UBQLN1: variants seen among roughly 807,000 people sequenced by gnomAD.
UBQLN1 encodes the protein ubiquilin-1.
Under a neutral mutation model 65.4 loss-of-function variants are expected in UBQLN1, and 13 were observed. The ratio of observed to expected loss-of-function variants is 0.20; its 90% CI spans 0.13 to 0.32. The LOEUF is 0.32. Ranked by LOEUF, UBQLN1 falls within the 10% of genes least tolerant of loss-of-function variation. The probability of loss-of-function intolerance (pLI) is 1.00; values close to 1 mark genes in which losing one functional copy is unlikely to be tolerated. For missense variants in UBQLN1, 561 were observed against 724.0 expected, an observed-to-expected ratio of 0.77 and a Z score of 2.58; for synonymous variants, 267 against 247.8, an observed-to-expected ratio of 1.08 and a Z score of -0.73.
At chr9:83,674,177 TGCA>T (rs1831788013) in intron 6 of UBQLN1, among the ~76,000 whole-genome samples, 1 of 141,308 alleles carries the variant, frequency 7.1e-6, no homozygotes, top group Non-Finnish European at 1.5e-5. Flanking sequence ...ACAAAATCAC[TGCA>T]GCATTAAAAA....
chr9:83,679,637 T>C (rs1831907122), intron 4 of UBQLN1, 138 bp downstream of exon 4: 2 of 903,310 alleles, frequency 2.2e-6, no homozygotes, highest in Non-Finnish European at 3.2e-6. Flanking sequence ...TAGCGCTTTG[T>C]TGAGTTTTCT....
intron 7 of UBQLN1, chr9:83,667,703 T>A: frequency 1.0e-6 from 1 of 984,638 alleles, no homozygotes; most frequent in Non-Finnish European, 1.2e-6. Flanking sequence ...CTTAAACGTA[T>A]CCTTTCACAG....
chr9:83,681,374 A>T (rs945185860), intron 3 of UBQLN1, among the ~76,000 whole-genome samples: 2 of 152,248 alleles, frequency 1.3e-5, no homozygotes, highest in Admixed American at 1.3e-4. Context: ...AGGCAACAAG[A>T]AAGACATCCT....
intron 1 of UBQLN1, among the ~76,000 whole-genome samples, chr9:83,692,566 T>C (rs976132456): frequency 7.9e-5 from 12 of 152,164 alleles, no homozygotes; most frequent in African/African-American, 2.9e-4. Flanking sequence ...ATACAAAATA[T>C]TTTCGGCCAG....
At position 83,679,190 on chromosome 9, in the gene UBQLN1, A is replaced by C. The variant is rs187003265; in HGVS notation, c.711+585T>G. On this transcript the variant is annotated intron_variant, in intron 4 of 10. Coordinates refer to ENST00000376395, the MANE Select transcript of UBQLN1 (RefSeq NM_013438.5). The stretch of plus-strand genomic sequence containing the variant: ...GCAGTCAACGTGAGTCACTGTAACA[A>C]GAAAGAGTTCCCTCCATTTTAACCC... Among the ~76,000 whole-genome samples the C allele has an allele frequency of 8.5e-5, 13 of 152,332 alleles. No homozygotes were observed. In the East Asian group the frequency reaches 2.5e-3, roughly 29 times the overall value.
At chr9:83,669,452 CAACTG>C (rs1437825843) in intron 6 of UBQLN1, 125 bp from the exon 7 acceptor site, 1 of 879,544 alleles carries the variant, frequency 1.1e-6, no homozygotes, top group Admixed American at 3.6e-5. Flanking sequence ...TATTATGTAT[CAACTG>C]AACTACGAAA....
intron 3 of UBQLN1, 26 bp downstream of exon 3, chr9:83,682,925 C>T (rs777372353): frequency 7.0e-7 from 1 of 1,430,406 alleles, no homozygotes; most frequent in African/African-American, 1.4e-5. Context: ...TTTCCCATCC[C>T]TACTGGAATG....
chr9:83,685,291 C>T (rs1459066546), intron 2 of UBQLN1, among the ~76,000 whole-genome samples: 1 of 152,162 alleles, frequency 6.6e-6, no homozygotes, highest in African/African-American at 2.4e-5. Context: ...ACACCACCAA[C>T]ACTCTTGACA....
chr9:83,669,445 T>G (rs941049648), intron 6 of UBQLN1, 118 bp from the exon 7 acceptor site: 80 of 964,318 alleles, frequency 8.3e-5, no homozygotes, highest in Non-Finnish European at 1.0e-4. Flanking sequence ...TTATACATAT[T>G]ATGTATCAAC....
intron 6 of UBQLN1, 90 bp downstream of exon 6, chr9:83,677,637 A>G: frequency 1.1e-6 from 1 of 931,598 alleles, no homozygotes; most frequent in African/African-American, 1.7e-5. Context: ...ATACATACAC[A>G]CAAAAGCACA....
chr9:83,678,044 C>T (rs546444063), intron 5 of UBQLN1, 83 bp from the exon 6 acceptor site: 111 of 870,814 alleles, frequency 1.3e-4, no homozygotes, highest in Middle Eastern at 4.0e-4. Flanking sequence ...TTTTTTGAGA[C>T]GGAGTCTCGC....
At chr9:83,697,594 C>T (rs1308950001) in intron 1 of UBQLN1, among the ~76,000 whole-genome samples, 1 of 145,664 alleles carries the variant, frequency 6.9e-6, no homozygotes, top group Non-Finnish European at 1.5e-5. Context: ...TTCCCTCTGT[C>T]GCCCAGGCTG....
Position 83,707,621 on chromosome 9 carries a change from G to A in UBQLN1, c.59C>T (p.Ala20Val). 1 of 1,583,774 alleles carries A rather than the reference G, an allele frequency of 6.3e-7. No homozygotes were observed. The highest frequency in any genetic ancestry group is 1.3e-5 in the African/African-American group (1 of 74,080). The change falls in exon 1 of 11, where the codon GCC becomes GTC. Residue 20 changes from alanine (A) to valine (V), a missense_variant. Ala to Val is a moderately conservative substitution (Grantham distance 64, BLOSUM62 0). Transcript: ENST00000376395. The part of the protein sequence containing the change: ...PPGSQDSAAG[A>V]EGAGAPAAAA... ...GGCCGCGGGGGCGCCAGCACCTTCGGCTCCGGCGGCGCTATCCTGGGAGCC... is the reference window on the plus strand; with the variant it reads ...GGCCGCGGGGGCGCCAGCACCTTCGACTCCGGCGGCGCTATCCTGGGAGCC...
chr9:83,683,482 G>A (rs771665583), intron 2 of UBQLN1, among the ~76,000 whole-genome samples: 2 of 148,408 alleles, frequency 1.3e-5, no homozygotes, highest in Non-Finnish European at 3.0e-5. Context: ...TAAACTCTCA[G>A]ACCAAATCAA....
intron 6 of UBQLN1, among the ~76,000 whole-genome samples, chr9:83,673,572 A>C (rs1171201800): frequency 8.6e-5 from 8 of 93,546 alleles, no homozygotes; most frequent in Non-Finnish European, 1.3e-4. Flanking sequence ...AAAAAACAAA[A>C]AAAAAAAACT....
intron 6 of UBQLN1, among the ~76,000 whole-genome samples, chr9:83,675,722 T>C (rs893133787): frequency 6.6e-5 from 10 of 152,188 alleles, no homozygotes; most frequent in Non-Finnish European, 1.3e-4. Context: ...CACTGATAAA[T>C]ATGCTATTAA....
chr9:83,686,521 T>C (rs1333296357), intron 1 of UBQLN1, among the ~76,000 whole-genome samples: 3 of 152,236 alleles, frequency 2.0e-5, no homozygotes, highest in Non-Finnish European at 2.9e-5. Context: ...CTACTATAGG[T>C]GCACATATCC....
intron 1 of UBQLN1, among the ~76,000 whole-genome samples, chr9:83,700,995 G>A (rs1832300761): frequency 6.6e-6 from 1 of 152,172 alleles, no homozygotes; most frequent in Admixed American, 6.5e-5. Context: ...GGCTACTGCA[G>A]TTTCTAGGCA....
At chr9:83,699,350 T>C (rs1399357076) in intron 1 of UBQLN1, among the ~76,000 whole-genome samples, 1 of 152,196 alleles carries the variant, frequency 6.6e-6, no homozygotes, top group Non-Finnish European at 1.5e-5. Context: ...ATACTGTTTT[T>C]TGTTTTTAAG....
Sources: gnomAD v4.1 joint callset for allele counts (sites outside exome capture counted in the v4.1 genomes callset) on GRCh38, gnomAD v4.1.1 for gene constraint, MANE v1.5 for transcripts, NCBI Gene and HGNC (gene_info 2026-07-23, HGNC 2026-07-21) for gene names.